ADAM12: variants seen among roughly 807,000 people sequenced by gnomAD.
The protein encoded by ADAM12 is disintegrin and metalloproteinase domain-containing protein 12.
In ADAM12, 70 loss-of-function variants were observed where a neutral mutation model predicts 106.4. The observed-to-expected ratio is 0.66, with a 90% CI of 0.54 to 0.80. The LOEUF is 0.80. Among genes scored for constraint, ADAM12 ranks in the 30% least tolerant of loss-of-function variants. ADAM12 has a pLI of 0.00. For missense variants in ADAM12, 1,010 were observed against 1,171.9 expected, an observed-to-expected ratio of 0.86 and a Z score of 2.02; for synonymous variants, 420 against 433.5, an observed-to-expected ratio of 0.97 and a Z score of 0.39.
chr10:126,104,606 G>A (rs557329318), intron 8 of ADAM12, among the ~76,000 whole-genome samples: 4 of 152,098 alleles, frequency 2.6e-5, no homozygotes, highest in Non-Finnish European at 5.9e-5. Context: ...CAAACTCCAC[G>A]ATAGCTCCAT....
At chr10:126,107,031 A>G (rs889680699) in intron 8 of ADAM12, among the ~76,000 whole-genome samples, 11 of 152,146 alleles carry the variant, frequency 7.2e-5, no homozygotes, top group Non-Finnish European at 1.3e-4. Context: ...GCATGCATAC[A>G]TTTGCATACA....
chr10:126,134,278 T>C (rs1047899122), intron 5 of ADAM12, among the ~76,000 whole-genome samples: 3 of 152,192 alleles, frequency 2.0e-5, no homozygotes, highest in Admixed American at 2.0e-4. Context: ...GTTCACTCAA[T>C]GATTTGGGTC....
intron 3 of ADAM12, among the ~76,000 whole-genome samples, chr10:126,249,038 C>A (rs914425502): frequency 6.6e-6 from 1 of 152,016 alleles, no homozygotes; most frequent in Non-Finnish European, 1.5e-5. Flanking sequence ...ATTTCCAGAA[C>A]CAACTATAGA....
intron 3 of ADAM12, among the ~76,000 whole-genome samples, chr10:126,252,708 C>A (rs1958811540): frequency 6.6e-6 from 1 of 152,094 alleles, no homozygotes; most frequent in African/African-American, 2.4e-5. Context: ...AATTCAAATG[C>A]TGATCTCTTC....
intron 5 of ADAM12, among the ~76,000 whole-genome samples, chr10:126,127,877 G>A (rs1956231109): frequency 6.6e-6 from 1 of 152,146 alleles, no homozygotes; most frequent in Non-Finnish European, 1.5e-5. Flanking sequence ...GGAGGGCAGG[G>A]AGTAGTGTGT....
chr10:126,073,996 GAAAT>G (rs1035131714), intron 11 of ADAM12, among the ~76,000 whole-genome samples: 2 of 152,140 alleles, frequency 1.3e-5, no homozygotes, highest in Non-Finnish European at 2.9e-5. Context: ...AAGAAAGAAA[GAAAT>G]AAAAATCAAT....
chr10:126,276,848 G>A (rs1333195169), intron 3 of ADAM12, among the ~76,000 whole-genome samples: 2 of 152,196 alleles, frequency 1.3e-5, no homozygotes, highest in East Asian at 1.9e-4. Flanking sequence ...CTTTTAAAAC[G>A]ATATTTATAC....
Position 126,278,902 on chromosome 10 carries a change from A to G in ADAM12, c.260+13T>C. 1 of 1,592,370 alleles carries G rather than the reference A, an allele frequency of 6.3e-7. No individual in the cohort carries two copies. ...ACTTTCTCCTATCATGCAATAAACAAGAATTAACTTACTCATTTCTTTCCA... is the reference window on the plus strand; with the variant it reads ...ACTTTCTCCTATCATGCAATAAACAGGAATTAACTTACTCATTTCTTTCCA... On this transcript the variant is annotated intron_variant, in intron 3 of 22. Transcript: ENST00000448723.
rs113434847 is a variant in ADAM12 at position 126,064,151 on chromosome 10, C to T, written c.1609+655G>A. Among the ~76,000 whole-genome samples, 8 of 152,284 alleles carry T rather than the reference C, an allele frequency of 5.3e-5. No homozygotes were observed. The highest frequency in any genetic ancestry group is 1.9e-4 in the African/African-American group (8 of 41,560). ...GAAGAGACAAAGTGTGCCAAGTGCC[C>T]AGCCTGAACTGGTGAAATGGTGAAC... is the stretch of plus-strand genomic sequence containing the variant. On this transcript the variant is annotated intron_variant, in intron 14 of 22. Transcript: ENST00000448723. This position sits in a 1 kb window ranked among gnomAD's most constrained non-coding sequence, Gnocchi z 4.4.
intron 11 of ADAM12, among the ~76,000 whole-genome samples, chr10:126,093,361 A>G (rs555788908): frequency 6.6e-6 from 1 of 152,292 alleles, no homozygotes; most frequent in South Asian, 2.1e-4. Flanking sequence ...TGGTTGAACC[A>G]AGTCGGGAGT....
intron 1 of ADAM12, among the ~76,000 whole-genome samples, chr10:126,351,558 C>T (rs540024776): frequency 2.6e-5 from 4 of 152,162 alleles, no homozygotes; most frequent in Admixed American, 1.3e-4. Context: ...CAGAGACTGC[C>T]GCTTCCTCTC....
chr10:126,238,481 A>G (rs1958463003), intron 3 of ADAM12, among the ~76,000 whole-genome samples: 1 of 152,142 alleles, frequency 6.6e-6, no homozygotes, highest in Admixed American at 6.5e-5. Flanking sequence ...TCCATCTCAA[A>G]CAAACAAACA....
Position 126,268,346 on chromosome 10 carries a change from A to G in ADAM12, c.260+10569T>C, listed in dbSNP as rs535500713. Among the ~76,000 whole-genome samples the G allele has an allele frequency of 2.0e-5, 3 of 152,330 alleles. No homozygotes were observed. The East Asian group carries it at 5.8e-4, about 29-fold the overall frequency. ...GGCTGAATAAAATTTCATTTTACGTATGCCACATTTTGTGGACTGATTCAT... is the reference window on the plus strand; with the variant it reads ...GGCTGAATAAAATTTCATTTTACGTGTGCCACATTTTGTGGACTGATTCAT... On this transcript the variant is annotated intron_variant, in intron 3 of 22. Coordinates refer to ENST00000448723, the MANE Select transcript of ADAM12 (RefSeq NM_001288973.2).
At chr10:126,113,404 A>C (rs1159343908) in intron 6 of ADAM12, among the ~76,000 whole-genome samples, 1 of 151,838 alleles carries the variant, frequency 6.6e-6, no homozygotes, top group Non-Finnish European at 1.5e-5. Flanking sequence ...TTACGCCTGT[A>C]ATCCCAGCAC....
intron 1 of ADAM12, among the ~76,000 whole-genome samples, chr10:126,344,282 C>A (rs1163283546): frequency 6.6e-6 from 1 of 152,126 alleles, no homozygotes; most frequent in African/African-American, 2.4e-5. Context: ...ATAGGGAATC[C>A]TTTCCCCATT....
intron 3 of ADAM12, among the ~76,000 whole-genome samples, chr10:126,247,749 C>T (rs1385810801): frequency 6.6e-6 from 1 of 152,162 alleles, no homozygotes; most frequent in African/African-American, 2.4e-5. Context: ...ACGTATGACT[C>T]TAAAAATACC....
At chr10:126,185,845 G>C (rs1169970786) in intron 3 of ADAM12, among the ~76,000 whole-genome samples, 1 of 152,090 alleles carries the variant, frequency 6.6e-6, no homozygotes, top group African/African-American at 2.4e-5. Flanking sequence ...CATTCTCCTG[G>C]CCCCAGTTAT....
intron 3 of ADAM12, among the ~76,000 whole-genome samples, chr10:126,244,264 T>C (rs771378534): frequency 3.9e-5 from 6 of 152,306 alleles, no homozygotes; most frequent in Admixed American, 1.3e-4. Flanking sequence ...TACAGAACTC[T>C]GAGAGATCAG....
chr10:126,238,361 T>C (rs1288265485), intron 3 of ADAM12, among the ~76,000 whole-genome samples: 1 of 152,142 alleles, frequency 6.6e-6, no homozygotes, highest in Non-Finnish European at 1.5e-5. Context: ...ACACCTGTTA[T>C]CCTAGCTAGT....
Sources: gnomAD v4.1 joint callset for allele counts (sites outside exome capture counted in the v4.1 genomes callset) on GRCh38, gnomAD v4.1.1 for gene constraint, Gnocchi (gnomAD v3.1) non-coding constraint, MANE v1.5 for transcripts, NCBI Gene and HGNC (gene_info 2026-07-23, HGNC 2026-07-21) for gene names.